MYLK: variants seen among roughly 807,000 people sequenced by gnomAD.
MYLK encodes the protein myosin light chain kinase, smooth muscle.
Under a neutral mutation model 203.4 loss-of-function variants are expected in MYLK, and 106 were observed. The ratio of observed to expected loss-of-function variants is 0.52; its 90% CI spans 0.45 to 0.61. MYLK has a LOEUF of 0.61. MYLK is among the 20% of genes least tolerant of loss of function. MYLK has a pLI of 0.00. For synonymous variants in MYLK, 867 were observed against 959.5 expected (o/e 0.90, Z 1.78); for missense variants, 2,072 against 2,442.3 (o/e 0.85, Z 3.20).
At chr3:123,809,542 C>T (rs1350071671) in intron 3 of MYLK, among the ~76,000 whole-genome samples, 1 of 152,014 alleles carries the variant, frequency 6.6e-6, no homozygotes, top group Non-Finnish European at 1.5e-5. Flanking sequence ...CAAAAACAAA[C>T]AAACAAAAAG....
chr3:123,626,554 T>C (rs551320385), intron 31 of MYLK, among the ~76,000 whole-genome samples: 1 of 152,152 alleles, frequency 6.6e-6, no homozygotes, highest in East Asian at 1.9e-4. Flanking sequence ...TGAATAAGGG[T>C]TTACGGTCCC....
At chr3:123,740,084 G>A (rs1382646386) in intron 5 of MYLK, 83 bp from the exon 6 acceptor site, 4 of 1,354,610 alleles carry the variant, frequency 3.0e-6, no homozygotes, top group Non-Finnish European at 4.2e-6. Flanking sequence ...GCAGGGGTGG[G>A]TGGGATAGTG....
Position 123,803,263 on chromosome 3 carries a change from C to T in MYLK, c.-3-9419G>A, listed in dbSNP as rs539346241. Among the ~76,000 whole-genome samples the T allele has an allele frequency of 4.6e-5, 7 of 152,346 alleles. No homozygotes were observed. The South Asian group carries it at 1.4e-3, about 32-fold the overall frequency. ...AGCGACCTCAGCCTAGTCTCTCACACAGAATAGGAGCTGAATCTATGATGA... is the reference window on the plus strand; with the variant it reads ...AGCGACCTCAGCCTAGTCTCTCACATAGAATAGGAGCTGAATCTATGATGA... On this transcript the variant is annotated intron_variant, in intron 3 of 33. Coordinates refer to ENST00000360304, the MANE Select transcript of MYLK (RefSeq NM_053025.4).
At position 123,739,956 on chromosome 3, in the gene MYLK, A is replaced by G. The variant is rs530193574; in HGVS notation, c.419T>C (p.Leu140Ser). 6.2e-7 allele frequency: 1 copy of G among 1,613,984 alleles called. No homozygotes were observed. Among genetic ancestry groups the G allele is most frequent in the African/African-American group, 1.3e-5 (1 of 75,072 alleles). Residue 140 changes from leucine (L) to serine (S), a missense_variant, in exon 6 of 34, where the codon TTA becomes TCA. Transcript: ENST00000360304. ...QLGQPVVSKT[L>S]GDRFSAPAVE... ...GTCTTGAACATCCAGGACTTACCCT[A>G]AGGTTTTGGAAACAACAGGCTGACC...
chr3:123,793,892 C>A, intron 3 of MYLK, 48 bp from the exon 4 acceptor site: 1 of 1,607,102 alleles, frequency 6.2e-7, no homozygotes, highest in South Asian at 1.1e-5. Flanking sequence ...CAAAGCACAG[C>A]CCTGTCTTCC....
In MYLK at chr3:123,855,579, C is replaced by T. The variant is rs181329572; in HGVS notation, c.-127+20980G>A. Among the ~76,000 whole-genome samples, 22 of 151,930 alleles carry T rather than the reference C, an allele frequency of 1.4e-4. No individual in the cohort carries two copies. In the East Asian group the frequency reaches 4.3e-3, roughly 29 times the overall value. On this transcript the variant is annotated intron_variant, in intron 2 of 33. Transcript: ENST00000360304. ...GCTTAAGCCCAGGAGTTGGAGGCTA[C>T]AGTGAGTTATGATTGTGCTACTCTG...
chr3:123,637,436 G>A (rs1054109253), intron 29 of MYLK, among the ~76,000 whole-genome samples: 1 of 152,176 alleles, frequency 6.6e-6, no homozygotes, highest in Non-Finnish European at 1.5e-5. Flanking sequence ...TGTTTGTGAA[G>A]TGCCGGCCTA....
chr3:123,761,896 G>A (rs531644158), intron 4 of MYLK, among the ~76,000 whole-genome samples: 30 of 152,044 alleles, frequency 2.0e-4, no homozygotes, highest in African/African-American at 6.7e-4. Flanking sequence ...GCATGGTGGC[G>A]GGCACCTGTA....
chr3:123,700,984 G>A lies in MYLK; in HGVS notation c.2484C>T (p.Cys828=), dbSNP rs748128807. The A allele has an allele frequency of 6.8e-6, 11 of 1,606,216 alleles. No individual in the cohort carries two copies. The highest frequency in any genetic ancestry group is 3.3e-5 in the Admixed American group (2 of 59,994). The part of the protein sequence containing the change: ...ALPRGREPAS[C]EDLCGGGVGA... ...CAACTCCTCCACCACAGAGGTCCTC[G>A]CAGCTGGCAGGCTCCCTCCCCCTGC... Residue 828 remains cysteine (C), a synonymous_variant, in exon 18 of 34, where the codon TGC becomes TGT. Coordinates refer to ENST00000360304, the MANE Select transcript of MYLK (RefSeq NM_053025.4).
chr3:123,638,499 T>G (rs1425667704), intron 28 of MYLK, among the ~76,000 whole-genome samples: 1 of 152,176 alleles, frequency 6.6e-6, no homozygotes, highest in Non-Finnish European at 1.5e-5. Context: ...TTAGTTCCCC[T>G]AGGCAGGGAC....
chr3:123,706,723 C>CTGGAAATGTAGCAGTGTGCCTCA lies in MYLK; in HGVS notation c.2390+1008_2390+1030dup, dbSNP rs548597578. Among the ~76,000 whole-genome samples the CTGGAAATGTAGCAGTGTGCCTCA allele has an allele frequency of 9.8e-4, 147 of 150,396 alleles. 4 individuals are homozygous for CTGGAAATGTAGCAGTGTGCCTCA. The highest frequency in any genetic ancestry group is 3.0e-3 in the African/African-American group (120 of 40,262). On this transcript the variant is annotated intron_variant, in intron 16 of 33. Transcript: ENST00000360304. ...CTATGGGCTCTCCACTGTTCCAGGC[C>CTGGAAATGTAGCAGTGTGCCTCA]TGGAAATGTAGCAGTGTGCCTCATG...
intron 20 of MYLK, among the ~76,000 whole-genome samples, chr3:123,672,862 A>T (rs987607453): frequency 7.9e-5 from 12 of 152,314 alleles, no homozygotes; most frequent in African/African-American, 2.6e-4. Flanking sequence ...TGCTGGGCTT[A>T]TAGGGGAAAG....
intron 2 of MYLK, among the ~76,000 whole-genome samples, chr3:123,870,307 G>A (rs890909481): frequency 1.3e-5 from 2 of 152,234 alleles, no homozygotes; most frequent in African/African-American, 4.8e-5. Context: ...GACAGCACTT[G>A]AGCCCAACTC....
chr3:123,622,739 A>T (rs2057936455), intron 31 of MYLK: 1 of 152,246 alleles, frequency 6.6e-6, no homozygotes, highest in African/African-American at 2.4e-5. Context: ...TTGTGAAAAA[A>T]AATTGCCGAG....
intron 3 of MYLK, among the ~76,000 whole-genome samples, chr3:123,810,616 C>A (rs994030496): frequency 1.3e-5 from 2 of 152,228 alleles, no homozygotes; most frequent in Admixed American, 1.3e-4. Context: ...AACAATCCCC[C>A]CAACAGGCTC....
At chr3:123,652,912 C>G (rs140348476) in intron 24 of MYLK, among the ~76,000 whole-genome samples, 1 of 152,058 alleles carries the variant, frequency 6.6e-6, no homozygotes. Flanking sequence ...TGGAGCTCCA[C>G]GGGGAACCCA....
Position 123,700,839 on chromosome 3 carries a change from C to A in MYLK, c.2629G>T (p.Val877Leu), listed in dbSNP as rs34542174. The A allele has an allele frequency of 5.0e-6, 8 of 1,614,102 alleles. No homozygotes were observed. The South Asian group carries it at 5.5e-5, about 11-fold the overall frequency. The change falls in exon 18 of 34, where the codon GTG becomes TTG. Residue 877 changes from valine to leucine, a missense_variant. Val to Leu is a conservative substitution (Grantham distance 32). Transcript: ENST00000360304. ...TCCTCAGTGTGCTGCCTCGTCTCCA[C>A]GCGCCTCTTCAGCACCCCTCGCACG... ...EDVRGVLKRR[V>L]ETRQHTEEAI...
chr3:123,781,037 G>T (rs2064277825), intron 4 of MYLK, among the ~76,000 whole-genome samples: 1 of 152,184 alleles, frequency 6.6e-6, no homozygotes, highest in African/African-American at 2.4e-5. Flanking sequence ...CAGATTAGGG[G>T]TCCGGGCTCC....
At chr3:123,699,832 G>A (rs753495541) in intron 18 of MYLK, among the ~76,000 whole-genome samples, 188 bp downstream of exon 18, 1 of 152,204 alleles carries the variant, frequency 6.6e-6, no homozygotes, top group Non-Finnish European at 1.5e-5. Flanking sequence ...CCCTGAGCCG[G>A]GACCTATCCT....
Sources: allele counts gnomAD v4.1 joint callset (sites outside exome capture counted in the v4.1 genomes callset), GRCh38; gene constraint gnomAD v4.1.1; transcripts MANE v1.5; gene names NCBI Gene and HGNC (gene_info 2026-07-23, HGNC 2026-07-21).